Variants in ENO2 observed in about 807,000 individuals in gnomAD.
ENO2 encodes gamma-enolase.
In ENO2, 19 loss-of-function variants were observed where a neutral mutation model predicts 48.7. The observed-to-expected ratio is 0.39, with a 90% CI of 0.27 to 0.57. The LOEUF is 0.57. Among genes scored for constraint, ENO2 ranks in the 20% least tolerant of loss-of-function variants. The pLI is 0.58. For synonymous variants in ENO2, 198 were observed against 213.4 expected, an observed-to-expected ratio of 0.93 and a Z score of 0.63; for missense variants, 416 against 555.0, an observed-to-expected ratio of 0.75 and a Z score of 2.52.
In ENO2 at chr12:6,922,065, G is replaced by C; in HGVS notation, c.1077G>C (p.Leu359=). ...SVTEAIQACK[L]AQENGWGVMV... ...CTGTGTGTGGATACAGGTGCAAGCT[G>C]GCCCAGGAGAATGGCTGGGGGGTCA... Residue 359 remains leucine, a synonymous_variant, in exon 10 of 12, where the codon CTG becomes CTC. Coordinates refer to ENST00000229277, the MANE Select transcript of ENO2 (RefSeq NM_001975.3). The surrounding 1 kb of genome is among the most constrained non-coding windows in gnomAD (Gnocchi z 5.3). The C allele has an allele frequency of 6.2e-7, 1 of 1,614,178 alleles. No homozygotes were observed.
Position 6,917,094 on chromosome 12 carries a change from G to C in ENO2, c.297G>C (p.Gly99=), listed in dbSNP as rs1177420839. 1 of 1,614,030 alleles carries C rather than the reference G, an allele frequency of 6.2e-7. No individual in the cohort carries two copies. The highest frequency in any genetic ancestry group is 8.5e-7 in the Non-Finnish European group (1 of 1,180,038). ...ACAACCTGATGCTGGAGTTGGATGG[G>C]ACTGAGAACAAATGTGAGCCGGGGC... ...KLDNLMLELD[G]TENKSKFGAN... is the part of the protein sequence containing the mutation. The change falls in exon 5 of 12, where the codon GGG becomes GGC. Residue 99 remains glycine (G), a synonymous_variant. Coordinates refer to ENST00000229277, the MANE Select transcript of ENO2 (RefSeq NM_001975.3).
rs201935802 is a variant in ENO2 at position 6,923,071 on chromosome 12, AT to A, written c.*273del. On this transcript the variant is annotated 3_prime_UTR_variant, in exon 12 of 12. Transcript: ENST00000229277. ...TCAGAAACTAGAAATGTGAATGAGG[AT>A]TATTATAAAAGGGGGTCCGTGGAAG... is the stretch of plus-strand genomic sequence containing the variant. The A allele has an allele frequency of 1.0e-3, 449 of 433,962 alleles. No individual in the cohort carries two copies. The highest frequency in any genetic ancestry group is 8.2e-3 in the African/African-American group (414 of 50,280). The allele number at this position is 433,962 out of a possible 1,614,324, so 26.9% of individuals were successfully genotyped here. A position where few individuals can be genotyped will look rare whatever the true frequency, so the allele number is the denominator to read the frequency against.
Position 6,915,974 on chromosome 12 carries a change from G to C in ENO2, c.85+57G>C. The stretch of plus-strand genomic sequence containing the variant: ...CCTAGCTTTTCCACGGCCAGGCTGG[G>C]TTCGGCCAGGGGTTCGGAGGCCTTT... On this transcript the variant is annotated intron_variant, in intron 2 of 11. Transcript: ENST00000229277. The C allele has an allele frequency of 2.5e-6, 4 of 1,598,716 alleles. No homozygotes were observed. In the East Asian group the frequency reaches 8.9e-5, roughly 36 times the overall value.
rs929657727 is a variant in ENO2 at position 6,916,372 on chromosome 12, C to T, written c.86-45C>T. 5.1e-6 allele frequency: 8 copies of T among 1,579,084 alleles called. No homozygotes were observed. The highest frequency in any genetic ancestry group is 1.1e-5 in the South Asian group (1 of 87,634). On this transcript the variant is annotated intron_variant, in intron 2 of 11. Transcript: ENST00000229277. This position sits in a 1 kb window ranked among gnomAD's most constrained non-coding sequence, Gnocchi z 4.5. ...CCAGAAGGCTGAAGGACTCCCTGGCCCCTGTGTCCTCTTCACTCCCTCTCA... is the reference window on the plus strand; with the variant it reads ...CCAGAAGGCTGAAGGACTCCCTGGCTCCTGTGTCCTCTTCACTCCCTCTCA...
At chr12:6,917,420 T>C in intron 5 of ENO2, 161 bp from the exon 6 acceptor site, 1 of 1,002,192 alleles carries the variant, frequency 1.0e-6, no homozygotes, top group Non-Finnish European at 1.4e-6. Context: ...TTCCTCTCCC[T>C]GCTGTTTTCA....
Position 6,916,499 on chromosome 12 carries a change from T to C in ENO2, c.168T>C (p.Arg56=). Residue 56 remains arginine (R), a synonymous_variant, in exon 3 of 12, where the codon CGT becomes CGC. Coordinates refer to ENST00000229277, the MANE Select transcript of ENO2 (RefSeq NM_001975.3). This position sits in a 1 kb window ranked among gnomAD's most constrained non-coding sequence, Gnocchi z 4.5. ...ALELRDGDKQ[R]YLGKGVLKAV... ...AGCTGAGGGATGGAGACAAACAGCG[T>C]TACTTAGGCAAAGGTGAGGTCCCTT... 1.2e-6 allele frequency: 2 copies of C among 1,613,980 alleles called. No homozygotes were observed. The highest frequency in any genetic ancestry group is 1.7e-6 in the Non-Finnish European group (2 of 1,179,950).
In ENO2 at chr12:6,916,499, T is replaced by A; in HGVS notation, c.168T>A (p.Arg56=). The change falls in exon 3 of 12, where the codon CGT becomes CGA. Residue 56 remains arginine, a synonymous_variant. Transcript: ENST00000229277. This position sits in a 1 kb window ranked among gnomAD's most constrained non-coding sequence, Gnocchi z 4.5. ...ALELRDGDKQ[R]YLGKGVLKAV... ...AGCTGAGGGATGGAGACAAACAGCG[T>A]TACTTAGGCAAAGGTGAGGTCCCTT... 1.2e-6 allele frequency: 2 copies of A among 1,613,980 alleles called. No homozygotes were observed. Among genetic ancestry groups the A allele is most frequent in the Non-Finnish European group, 1.7e-6 (2 of 1,179,950 alleles).
chr12:6,918,414 G>A (rs1259837498), intron 7 of ENO2, among the ~76,000 whole-genome samples: 3 of 150,482 alleles, frequency 2.0e-5, no homozygotes, highest in East Asian at 2.0e-4. Context: ...GCAGTGGCTC[G>A]ATCTCAGCTC....
At chr12:6,921,878 G>A in intron 9 of ENO2, 96 bp downstream of exon 9, 1 of 1,542,442 alleles carries the variant, frequency 6.5e-7, no homozygotes, top group South Asian at 1.2e-5. Context: ...GTGCCAAAGA[G>A]AGCGGGGAAC....
Position 6,916,033 on chromosome 12 carries a change from G to C in ENO2, c.85+116G>C. 1 of 1,075,554 alleles carries C rather than the reference G, an allele frequency of 9.3e-7. No individual in the cohort carries two copies. The allele number at this position is 1,075,554 out of a possible 1,614,324, so 66.6% of individuals were successfully genotyped here. On this transcript the variant is annotated intron_variant, in intron 2 of 11. Coordinates refer to ENST00000229277, the MANE Select transcript of ENO2 (RefSeq NM_001975.3). The surrounding 1 kb of genome is among the most constrained non-coding windows in gnomAD (Gnocchi z 4.5). ...CCAGGGGTATGGGGTGCTGGGCCAG[G>C]CTCACAAGCCTGGGTTGTGGCGGTT... is the stretch of plus-strand genomic sequence containing the variant.
chr12:6,921,363 A>T, intron 8 of ENO2: 1 of 522,420 alleles, frequency 1.9e-6, no homozygotes, highest in Non-Finnish European at 3.5e-6. Flanking sequence ...ACTGCACTCC[A>T]GCCTGGATGA....
At position 6,916,119 on chromosome 12, in the gene ENO2, G is replaced by A. The variant is rs1453022603; in HGVS notation, c.85+202G>A. On this transcript the variant is annotated intron_variant, in intron 2 of 11. Transcript: ENST00000229277. This position sits in a 1 kb window ranked among gnomAD's most constrained non-coding sequence, Gnocchi z 4.5. ...TCTGTGTTCGAGTTTAGCGTGTGAG[G>A]CATGTCCTGCCTCCGTGTGTCTGCC... Among the ~76,000 whole-genome samples, 1 of 152,150 alleles carries A rather than the reference G, an allele frequency of 6.6e-6. No homozygotes were observed. The highest frequency in any genetic ancestry group is 1.9e-4 in the East Asian group (1 of 5,190).
rs1945272695 is a variant in ENO2, at chr12:6,914,861, G to A, written c.-13+202G>A. On this transcript the variant is annotated intron_variant, in intron 1 of 11. Transcript: ENST00000229277. The surrounding 1 kb of genome is among the most constrained non-coding windows in gnomAD (Gnocchi z 7.1). ...GCCTTCGCTTTCTGGCCCTCTGCGCGCCTATCTCTAACTGCGCCTCTCCAC... is the reference window on the plus strand; with the variant it reads ...GCCTTCGCTTTCTGGCCCTCTGCGCACCTATCTCTAACTGCGCCTCTCCAC... Among the ~76,000 whole-genome samples the A allele has an allele frequency of 6.6e-6, 1 of 151,962 alleles. No individual in the cohort carries two copies. Among genetic ancestry groups the A allele is most frequent in the South Asian group, 2.1e-4 (1 of 4,806 alleles).
rs146404987 is a variant in ENO2 at position 6,919,809 on chromosome 12, C to T, written c.865+46C>T. 391 of 1,599,850 alleles carry T rather than the reference C, an allele frequency of 2.4e-4. No individual in the cohort carries two copies. In the African/African-American group the frequency reaches 4.1e-3, roughly 17 times the overall value. ...GGGGAGGTCTGGGGGCAGGCAGGGA[C>T]GTGTCCCAGCAACTCTGGACCTTAT... On this transcript the variant is annotated intron_variant, in intron 8 of 11. Transcript: ENST00000229277.
chr12:6,922,478 C>T lies in ENO2; in HGVS notation c.1235+76C>T, dbSNP rs1945349311. 5 of 1,567,542 alleles carry T rather than the reference C, an allele frequency of 3.2e-6. No individual in the cohort carries two copies. Among genetic ancestry groups the T allele is most frequent in the Non-Finnish European group, 4.4e-6 (5 of 1,138,632 alleles). ...TTTGCCTGCCAGACCATCTGTAGCA[C>T]CAAGGGCCTGGATAACAGTCCATTT... is the stretch of plus-strand genomic sequence containing the variant. On this transcript the variant is annotated intron_variant, in intron 11 of 11. Coordinates refer to ENST00000229277, the MANE Select transcript of ENO2 (RefSeq NM_001975.3). The surrounding 1 kb of genome is among the most constrained non-coding windows in gnomAD (Gnocchi z 5.3).
chr12:6,916,039 A>G lies in ENO2; in HGVS notation c.85+122A>G. ...GTATGGGGTGCTGGGCCAGGCTCAC[A>G]AGCCTGGGTTGTGGCGGTTGGATCC... On this transcript the variant is annotated intron_variant, in intron 2 of 11. Coordinates refer to ENST00000229277, the MANE Select transcript of ENO2 (RefSeq NM_001975.3). The surrounding 1 kb of genome is among the most constrained non-coding windows in gnomAD (Gnocchi z 4.5). 1 of 1,000,522 alleles carries G rather than the reference A, an allele frequency of 1.0e-6. No homozygotes were observed. The highest frequency in any genetic ancestry group is 2.1e-5 in the Admixed American group (1 of 47,278). 62.0% of individuals were successfully genotyped at this position (1,000,522 alleles called of 1,614,324 possible).
At position 6,922,463 on chromosome 12, in the gene ENO2, A is replaced by G. The variant is rs891188630; in HGVS notation, c.1235+61A>G. The G allele has an allele frequency of 3.1e-6, 5 of 1,594,976 alleles. No individual in the cohort carries two copies. The South Asian group carries it at 5.5e-5, about 18-fold the overall frequency. On this transcript the variant is annotated intron_variant, in intron 11 of 11. Transcript: ENST00000229277. This position sits in a 1 kb window ranked among gnomAD's most constrained non-coding sequence, Gnocchi z 5.3. ...TGGCTAAAGGCCCCATTTGCCTGCC[A>G]GACCATCTGTAGCACCAAGGGCCTG...
chr12:6,920,801 T>C (rs1426061998), intron 8 of ENO2, among the ~76,000 whole-genome samples: 1 of 147,518 alleles, frequency 6.8e-6, no homozygotes, highest in Non-Finnish European at 1.5e-5. Context: ...GCTCAAGTGA[T>C]CTGCATGCCT....
At position 6,918,010 on chromosome 12, in the gene ENO2, C is replaced by G; in HGVS notation, c.515C>G (p.Pro172Arg). The G allele has an allele frequency of 6.2e-7, 1 of 1,614,134 alleles. No individual in the cohort carries two copies. Among genetic ancestry groups the G allele is most frequent in the Non-Finnish European group, 8.5e-7 (1 of 1,180,014 alleles). Residue 172 changes from proline to arginine, a missense_variant, in exon 7 of 12, where the codon CCA (proline) becomes CGA (arginine). By Grantham distance (103) the Pro-to-Arg change is moderately radical (BLOSUM62 -2). Transcript: ENST00000229277. Reference protein sequence around the residue: ...KLAMQEFMILPVGAESFRDAM... With the variant: ...KLAMQEFMILRVGAESFRDAM... ...GCCATGCAGGAGTTCATGATCCTCC[C>G]AGTGGGAGCTGAGAGCTTTCGGGAT...
Sources: gnomAD v4.1 joint callset for allele counts (sites outside exome capture counted in the v4.1 genomes callset) on GRCh38, gnomAD v4.1.1 for gene constraint, Gnocchi (gnomAD v3.1) non-coding constraint, MANE v1.5 for transcripts, NCBI Gene and HGNC (gene_info 2026-07-23, HGNC 2026-07-21) for gene names.